FAM107B: variants seen among roughly 807,000 people sequenced by gnomAD.
The protein encoded by FAM107B is protein FAM107B.
A neutral mutation model predicts 31.5 loss-of-function variants in FAM107B; 21 were observed. That is an observed-to-expected ratio of 0.67 (90% CI 0.47 to 0.96). The LOEUF is 0.96. Among genes scored for constraint, FAM107B ranks in the 40% least tolerant of loss-of-function variants. FAM107B has a pLI of 0.00. For missense variants in FAM107B, 452 were observed against 377.1 expected, an observed-to-expected ratio of 1.20 and a Z score of -1.64; for synonymous variants, 157 against 141.5, an observed-to-expected ratio of 1.11 and a Z score of -0.78.
rs753584431 is a variant in FAM107B at position 14,521,315 on chromosome 10, C to T, written c.805-9G>A. 1 of 1,610,078 alleles carries T rather than the reference C, an allele frequency of 6.2e-7. No individual in the cohort carries two copies. The highest frequency in any genetic ancestry group is 1.7e-5 in the Admixed American group (1 of 59,438). ...TGCTTCTCAAGTTCAAGCTAAATGA[C>T]ATTCAGAAAAGGAAAAATTATTTAC... On this transcript the variant is annotated splice_polypyrimidine_tract_variant and intron_variant, in intron 4 of 4. Transcript: ENST00000181796.
At chr10:14,677,477 C>T (rs1309037107) in intron 1 of FAM107B, among the ~76,000 whole-genome samples, 2 of 152,154 alleles carry the variant, frequency 1.3e-5, no homozygotes, top group Non-Finnish European at 2.9e-5. Context: ...AAAAATTAGC[C>T]GGGCGTGGTG....
chr10:14,728,057 T>G (rs1025032403), intron 1 of FAM107B, among the ~76,000 whole-genome samples: 1 of 152,122 alleles, frequency 6.6e-6, no homozygotes, highest in Non-Finnish European at 1.5e-5. Context: ...CCCCCATACA[T>G]TTATGGAGTA....
intron 2 of FAM107B, among the ~76,000 whole-genome samples, chr10:14,641,664 A>G (rs998657265): frequency 3.3e-5 from 5 of 152,170 alleles, no homozygotes; most frequent in Non-Finnish European, 7.3e-5. Flanking sequence ...CACTATTCAC[A>G]TCACCCAACA....
chr10:14,686,611 A>T (rs1854994959), intron 1 of FAM107B, among the ~76,000 whole-genome samples: 1 of 152,186 alleles, frequency 6.6e-6, no homozygotes, highest in Non-Finnish European at 1.5e-5. Flanking sequence ...TCAGTAGCGA[A>T]TATTTTTGGT....
At chr10:14,576,608 C>T (rs532971980) in intron 2 of FAM107B, among the ~76,000 whole-genome samples, 2 of 152,280 alleles carry the variant, frequency 1.3e-5, no homozygotes, top group African/African-American at 2.4e-5. Context: ...AAAATTATGG[C>T]TTTCTGTACT....
chr10:14,757,078 A>G (rs1216927840), intron 1 of FAM107B, among the ~76,000 whole-genome samples: 1 of 152,120 alleles, frequency 6.6e-6, no homozygotes, highest in Non-Finnish European at 1.5e-5. Context: ...TGGATGATAA[A>G]ATAGTCTCTA....
At chr10:14,611,511 TA>T (rs2131391189) in intron 2 of FAM107B, among the ~76,000 whole-genome samples, 1 of 122,974 alleles carries the variant, frequency 8.1e-6, no homozygotes, top group South Asian at 2.4e-4. Flanking sequence ...TATATATATA[TA>T]TATATATATA....
Position 14,774,620 on chromosome 10 carries a change from G to C in FAM107B, c.44C>G (p.Pro15Arg), listed in dbSNP as rs1249179121. The C allele has an allele frequency of 6.2e-7, 1 of 1,613,984 alleles. No individual in the cohort carries two copies. Among genetic ancestry groups the C allele is most frequent in the South Asian group, 1.1e-5 (1 of 91,076 alleles). The change falls in exon 1 of 5, where the codon CCC becomes CGC. Residue 15 changes from proline (P) to arginine (R), a missense_variant. Physicochemically the swap from Pro to Arg is moderately radical, Grantham distance 103. Transcript: ENST00000181796. Reference sequence around the variant, plus strand: ...CGGAAATGGATGCATGCTTCTAGAGGGAGACTTCAGTCTTTTGGTGAGTCT... The same window carrying C: ...CGGAAATGGATGCATGCTTCTAGAGCGAGACTTCAGTCTTTTGGTGAGTCT... The part of the protein sequence containing the change: ...KARLTKRLKS[P>R]SRSMHPFPCS...
Position 14,628,680 on chromosome 10 carries a change from G to C in FAM107B, c.469+38954C>G, listed in dbSNP as rs140194092. Among the ~76,000 whole-genome samples the C allele has an allele frequency of 5.9e-5, 9 of 152,266 alleles. No individual in the cohort carries two copies. The East Asian group carries it at 1.7e-3, about 29-fold the overall frequency. On this transcript the variant is annotated intron_variant, in intron 2 of 4. Transcript: ENST00000181796. ...AAATCAAACTCACAGTATTATTTGTGTGTTAATATAGGGAATAGTTTTGTG... is the reference window on the plus strand; with the variant it reads ...AAATCAAACTCACAGTATTATTTGTCTGTTAATATAGGGAATAGTTTTGTG...
chr10:14,691,602 CAT>C (rs1855135866), intron 1 of FAM107B, among the ~76,000 whole-genome samples: 1 of 152,066 alleles, frequency 6.6e-6, no homozygotes, highest in African/African-American at 2.4e-5. Flanking sequence ...AGGCTTAAAA[CAT>C]TAAACTTGGC....
At chr10:14,571,844 T>C in intron 2 of FAM107B, 1 of 985,484 alleles carries the variant, frequency 1.0e-6, no homozygotes, top group Non-Finnish European at 1.2e-6. Context: ...AGAGAAGAGT[T>C]AGCCCAGGAA....
At chr10:14,530,620 C>A in intron 2 of FAM107B, 105 bp from the exon 3 acceptor site, 8 of 1,003,052 alleles carry the variant, frequency 8.0e-6, no homozygotes, top group Non-Finnish European at 1.2e-5. Flanking sequence ...CACATGCCAT[C>A]CTCCTGAGTC....
At chr10:14,603,890 G>C (rs1229963924) in intron 2 of FAM107B, among the ~76,000 whole-genome samples, 3 of 151,166 alleles carry the variant, frequency 2.0e-5, no homozygotes, top group Admixed American at 6.6e-5. Context: ...CGGCGCACAC[G>C]GCCAGGCAGT....
intron 2 of FAM107B, chr10:14,548,730 G>T (rs1848955776): frequency 2.2e-6 from 2 of 908,124 alleles, no homozygotes; most frequent in Non-Finnish European, 2.6e-6. Flanking sequence ...CGCAAAACGT[G>T]CCAGAAAAAT....
At chr10:14,568,716 C>T (rs1850922600) in intron 2 of FAM107B, among the ~76,000 whole-genome samples, 1 of 152,124 alleles carries the variant, frequency 6.6e-6, no homozygotes, top group Non-Finnish European at 1.5e-5. Flanking sequence ...GGTGAAGATA[C>T]TGGGGAAGGA....
At chr10:14,647,525 T>C (rs1288570670) in intron 2 of FAM107B, among the ~76,000 whole-genome samples, 1 of 151,456 alleles carries the variant, frequency 6.6e-6, no homozygotes. Context: ...CTAAAAAAAG[T>C]ACAAAAAAAT....
rs11259168 is a variant in FAM107B, at chr10:14,538,552, T to G, written c.470-8037A>C. On this transcript the variant is annotated intron_variant, in intron 2 of 4. Transcript: ENST00000181796. The stretch of plus-strand genomic sequence containing the variant: ...GTTAGGTGTCAGGATAATGCTTATT[T>G]CGGGAGTGAATAGACGGCAGTACCA... Among the ~76,000 whole-genome samples, 314 of 152,308 alleles carry G rather than the reference T, an allele frequency of 2.1e-3. 2 individuals are homozygous for G. The highest frequency in any genetic ancestry group is 7.0e-3 in the African/African-American group (293 of 41,564).
intron 1 of FAM107B, among the ~76,000 whole-genome samples, chr10:14,733,854 C>A (rs921257418): frequency 5.3e-5 from 8 of 152,212 alleles, no homozygotes. Context: ...CATTTTCTCC[C>A]TGAACAGGTT....
intron 2 of FAM107B, among the ~76,000 whole-genome samples, chr10:14,628,696 T>C (rs1004635817): frequency 4.6e-5 from 7 of 152,204 alleles, no homozygotes; most frequent in Admixed American, 3.9e-4. Context: ...ATATAGGGAA[T>C]AGTTTTGTGC....
Sources: gnomAD v4.1 joint callset for allele counts (sites outside exome capture counted in the v4.1 genomes callset) on GRCh38, gnomAD v4.1.1 for gene constraint, MANE v1.5 for transcripts, NCBI Gene and HGNC (gene_info 2026-07-23, HGNC 2026-07-21) for gene names.